The following PCYT1B variants were observed in gnomAD, a reference collection of about 807,000 sequenced individuals.
PCYT1B encodes the protein choline-phosphate cytidylyltransferase B.
PCYT1B carries 10 observed loss-of-function variants against 26.4 expected under a neutral mutation model. That is an observed-to-expected ratio of 0.38 (90% CI 0.23 to 0.64). PCYT1B has a LOEUF of 0.64. Ranked by LOEUF, PCYT1B falls within the 30% of genes least tolerant of loss-of-function variation. PCYT1B has a pLI of 0.56. For missense variants in PCYT1B, 161 were observed against 292.7 expected (o/e 0.55, Z 3.28); for synonymous variants, 131 against 108.4 (o/e 1.21, Z -1.29).
intron 3 of PCYT1B, among the ~76,000 whole-genome samples, chrX:24,601,249 T>C (rs1246409171): frequency 8.9e-6 from 1 of 111,889 alleles, no homozygotes; most frequent in South Asian, 3.7e-4. Context: ...TCCCAGCACT[T>C]TGGGAGGCCG....
intron 6 of PCYT1B, among the ~76,000 whole-genome samples, chrX:24,576,351 T>A (rs1440278564): frequency 8.9e-6 from 1 of 112,022 alleles, no homozygotes; most frequent in Non-Finnish European, 1.9e-5. Flanking sequence ...TTGCCCAGGC[T>A]GGAGTGCAAT....
At chrX:24,593,349 G>GTTTC (rs1230397206) in intron 3 of PCYT1B, among the ~76,000 whole-genome samples, 6 of 106,080 alleles carry the variant, frequency 5.7e-5, no homozygotes, top group African/African-American at 1.0e-4. Flanking sequence ...TTCTTTCTTT[G>GTTTC]TTTCTTTCTT....
intron 6 of PCYT1B, among the ~76,000 whole-genome samples, chrX:24,577,615 C>T (rs997536319): frequency 3.3e-4 from 37 of 112,052 alleles, no homozygotes; most frequent in Admixed American, 2.3e-3. Context: ...TCAACACTCC[C>T]TGCCTTGTGA....
intron 7 of PCYT1B, among the ~76,000 whole-genome samples, chrX:24,571,959 T>A (rs1161912487): frequency 9.1e-6 from 1 of 110,437 alleles, no homozygotes; most frequent in African/African-American, 3.3e-5. Flanking sequence ...AAAAAGACTA[T>A]ACCACAAGGA....
chrX:24,630,947 G>A (rs6628026), intron 1 of PCYT1B, among the ~76,000 whole-genome samples: 9 of 111,300 alleles, frequency 8.1e-5, no homozygotes, highest in African/African-American at 2.9e-4. Flanking sequence ...TTTTGAGACG[G>A]AGTCTTGCAT....
intron 1 of PCYT1B, among the ~76,000 whole-genome samples, chrX:24,667,851 A>G (rs1927159724): frequency 8.9e-6 from 1 of 112,433 alleles, no homozygotes; most frequent in South Asian, 3.7e-4. Context: ...TAAATATTTA[A>G]TGTACATTTA....
chrX:24,577,830 G>T (rs751639005), intron 6 of PCYT1B, among the ~76,000 whole-genome samples: 1 of 111,809 alleles, frequency 8.9e-6, no homozygotes, highest in Non-Finnish European at 1.9e-5. Flanking sequence ...TTTAATCAAA[G>T]ATATCGGCAC....
intron 1 of PCYT1B, among the ~76,000 whole-genome samples, chrX:24,625,461 T>C (rs1925854092): frequency 9.1e-6 from 1 of 110,432 alleles, no homozygotes; most frequent in African/African-American, 3.3e-5. Flanking sequence ...TGTCACTGAT[T>C]ATGTAGACTC....
chrX:24,590,650 C>G (rs1388837855), intron 3 of PCYT1B, among the ~76,000 whole-genome samples: 1 of 111,012 alleles, frequency 9.0e-6, no homozygotes, highest in Non-Finnish European at 1.9e-5. Context: ...GTGAGACAGA[C>G]AGACAGACAC....
intron 1 of PCYT1B, among the ~76,000 whole-genome samples, chrX:24,640,736 C>A (rs1343435705): frequency 1.8e-5 from 2 of 111,007 alleles, no homozygotes; most frequent in Non-Finnish European, 3.8e-5. Context: ...CTTCCATCTC[C>A]TCCATGCTAT....
intron 1 of PCYT1B, among the ~76,000 whole-genome samples, chrX:24,637,968 T>C (rs1164720501): frequency 9.1e-6 from 1 of 110,488 alleles, no homozygotes; most frequent in African/African-American, 3.3e-5. Flanking sequence ...TGACTGTGCC[T>C]ACAGTCAATA....
upstream of PCYT1B, chrX:24,672,715 T>C: frequency 1.3e-6 from 1 of 774,327 alleles, no homozygotes; most frequent in South Asian, 2.4e-5. Context: ...TTTTTGTTGC[T>C]CACTTGACCA....
chrX:24,618,123 T>C (rs762392290), intron 2 of PCYT1B, among the ~76,000 whole-genome samples: 1 of 111,685 alleles, frequency 9.0e-6, no homozygotes, highest in Admixed American at 9.6e-5. Context: ...TGGTACCTTA[T>C]AATTCTTTCC....
At chrX:24,579,722 C>A (rs953944795) in intron 5 of PCYT1B, among the ~76,000 whole-genome samples, 13 of 111,437 alleles carry the variant, frequency 1.2e-4, no homozygotes. Context: ...CATGCTGAGC[C>A]TTTCCTTTCT....
At chrX:24,604,635 A>G (rs780630184) in intron 3 of PCYT1B, among the ~76,000 whole-genome samples, 1 of 110,225 alleles carries the variant, frequency 9.1e-6, no homozygotes, top group Admixed American at 9.7e-5. Context: ...AGCTCACTAT[A>G]CCCTTGAACT....
intron 1 of PCYT1B, among the ~76,000 whole-genome samples, chrX:24,642,497 G>T (rs1392964803): frequency 8.9e-6 from 1 of 112,162 alleles, no homozygotes; most frequent in Non-Finnish European, 1.9e-5. Flanking sequence ...TCTTCCATAA[G>T]GGTTTAGCAT....
At chrX:24,630,313 T>C (rs959649125) in intron 1 of PCYT1B, among the ~76,000 whole-genome samples, 1 of 111,998 alleles carries the variant, frequency 8.9e-6, no homozygotes, top group Non-Finnish European at 1.9e-5. Flanking sequence ...TGTTTTGTTT[T>C]GAGACAGAGT....
chrX:24,612,373 G>A (rs933433718), intron 2 of PCYT1B, among the ~76,000 whole-genome samples: 2 of 112,295 alleles, frequency 1.8e-5, no homozygotes, highest in Non-Finnish European at 3.8e-5. Flanking sequence ...TAGACTGGGA[G>A]AAAATATTTG....
chrX:24,636,694 C>A (rs184619839), intron 1 of PCYT1B, among the ~76,000 whole-genome samples: 1 of 112,617 alleles, frequency 8.9e-6, no homozygotes, highest in Non-Finnish European at 1.9e-5. Context: ...ATCACGTAAC[C>A]TAACACTTCC....
Sources: gnomAD v4.1 joint callset for allele counts (sites outside exome capture counted in the v4.1 genomes callset) on GRCh38, gnomAD v4.1.1 for gene constraint, MANE v1.5 for transcripts, NCBI Gene and HGNC (gene_info 2026-07-23, HGNC 2026-07-21) for gene names.